Variants in SLC36A1 observed in about 807,000 individuals in gnomAD.
SLC36A1 encodes the protein proton-coupled amino acid transporter 1.
Under a neutral mutation model 47.5 loss-of-function variants are expected in SLC36A1, and 30 were observed. The observed-to-expected ratio is 0.63, with a 90% CI of 0.47 to 0.86. The LOEUF is 0.86. Ranked by LOEUF, SLC36A1 falls within the 40% of genes least tolerant of loss-of-function variation. SLC36A1 has a pLI of 0.00. For missense variants in SLC36A1, 517 were observed against 606.0 expected (o/e 0.85, Z 1.54); for synonymous variants, 255 against 249.7 (o/e 1.02, Z -0.20).
the SLC36A1 span, among the ~76,000 whole-genome samples, chr5:151,523,248 C>T: frequency 1.3e-5 from 2 of 151,988 alleles, no homozygotes; most frequent in African/African-American, 4.8e-5. Flanking sequence ...GTATAGCTAA[C>T]ATTAGTTACA....
the SLC36A1 span, among the ~76,000 whole-genome samples, chr5:151,388,164 C>G: frequency 6.6e-6 from 1 of 152,158 alleles, no homozygotes; most frequent in South Asian, 2.1e-4. Flanking sequence ...CATTTACAAT[C>G]TATTCTCTCT....
Position 151,458,797 on chromosome 5 carries a change from C to G in SLC36A1, c.5C>G (p.Ser2Cys). 3.1e-6 allele frequency: 5 copies of G among 1,613,864 alleles called. No individual in the cohort carries two copies. The highest frequency in any genetic ancestry group is 4.2e-6 in the Non-Finnish European group (5 of 1,179,846). Residue 2 changes from serine (S) to cysteine (C), a missense_variant, in exon 2 of 11, where the codon TCC becomes TGC. Coordinates refer to ENST00000243389, the MANE Select transcript of SLC36A1 (RefSeq NM_078483.4). MSTQRLRNEDYH... is the reference protein window; with the variant it reads MCTQRLRNEDYH... ...GGCCCTGTCCCCCCAGCTGCCATGT[C>G]CACGCAGAGACTTCGGAATGAAGAC...
At chr5:151,349,483 G>A in the SLC36A1 span, among the ~76,000 whole-genome samples, 1 of 152,102 alleles carries the variant, frequency 6.6e-6, no homozygotes, top group East Asian at 1.9e-4. Flanking sequence ...ATGAAGCTGT[G>A]GCAACCCTTG....
the SLC36A1 span, among the ~76,000 whole-genome samples, chr5:151,499,777 C>CGTTTCCCAATTCTCCT: frequency 0.012 from 1,902 of 152,194 alleles, 39 homozygotes; most frequent in African/African-American, 0.043. Flanking sequence ...TGAAGGAAGT[C>CGTTTCCCAATTCTCCT]GTTTCCCAAT....
chr5:151,373,213 T>G, the SLC36A1 span, among the ~76,000 whole-genome samples: 3 of 151,964 alleles, frequency 2.0e-5, no homozygotes, highest in Non-Finnish European at 4.4e-5. Flanking sequence ...CAAGAGGATG[T>G]TTTGAGTTCA....
At chr5:151,448,322 T>TA (rs1753127645) in intron 1 of SLC36A1, among the ~76,000 whole-genome samples, 1 of 152,214 alleles carries the variant, frequency 6.6e-6, no homozygotes, top group South Asian at 2.1e-4. Flanking sequence ...AGCTGTTTGC[T>TA]TTTCGCCACA....
At chr5:151,456,225 T>C (rs1309270934) in intron 1 of SLC36A1, among the ~76,000 whole-genome samples, 4 of 152,166 alleles carry the variant, frequency 2.6e-5, no homozygotes, top group Non-Finnish European at 5.9e-5. Flanking sequence ...CCCAGGCTGG[T>C]CTTGAACTCC....
In SLC36A1 at chr5:151,458,780, C is replaced by T. The variant is rs61733958; in HGVS notation, c.-5-8C>T. ...CAGGAGGTCTTAATGCTGGCCCTGT[C>T]CCCCCAGCTGCCATGTCCACGCAGA... On this transcript the variant is annotated splice_region_variant and splice_polypyrimidine_tract_variant and intron_variant, in intron 1 of 10. Coordinates refer to ENST00000243389, the MANE Select transcript of SLC36A1 (RefSeq NM_078483.4). 7,351 of 1,611,652 alleles carry T rather than the reference C, an allele frequency of 4.6e-3. 31 individuals are homozygous for T. Among genetic ancestry groups the T allele is most frequent in the South Asian group, 5.6e-3 (506 of 90,870 alleles).
At chr5:151,426,563 T>C in the SLC36A1 span, among the ~76,000 whole-genome samples, 2 of 152,280 alleles carry the variant, frequency 1.3e-5, no homozygotes, top group Admixed American at 6.5e-5. Context: ...CCTCCAGCCA[T>C]AAGGCAGTTT....
At chr5:151,535,400 C>T in the SLC36A1 span, among the ~76,000 whole-genome samples, 3 of 152,042 alleles carry the variant, frequency 2.0e-5, no homozygotes, top group Admixed American at 6.6e-5. Context: ...GCCTTATACC[C>T]TGGGGGAAAT....
At chr5:151,517,532 T>G in the SLC36A1 span, 1 of 1,503,434 alleles carries the variant, frequency 6.7e-7, no homozygotes. Context: ...TTGGCAGAAA[T>G]GGGCTTCCTG....
the SLC36A1 span, among the ~76,000 whole-genome samples, chr5:151,419,020 T>C: frequency 3.3e-5 from 5 of 152,172 alleles, no homozygotes; most frequent in Non-Finnish European, 7.3e-5. Context: ...TATAAGGGGC[T>C]ATTTACCCCT....
chr5:151,385,855 G>A, the SLC36A1 span, among the ~76,000 whole-genome samples: 1 of 144,094 alleles, frequency 6.9e-6, no homozygotes, highest in Non-Finnish European at 1.5e-5. Flanking sequence ...TTTAAGAACA[G>A]AGGTTTCCTT....
chr5:151,425,192 C>G, the SLC36A1 span: 1 of 152,232 alleles, frequency 6.6e-6, no homozygotes, highest in Admixed American at 6.5e-5. Context: ...CCATGTCACT[C>G]AGGTGAGGTT....
the SLC36A1 span, among the ~76,000 whole-genome samples, chr5:151,392,657 G>A: frequency 6.6e-6 from 1 of 152,116 alleles, no homozygotes; most frequent in African/African-American, 2.4e-5. Flanking sequence ...ATTTCGTTAT[G>A]TACCCAGTAG....
the SLC36A1 span, among the ~76,000 whole-genome samples, chr5:151,516,854 C>T: frequency 6.6e-6 from 1 of 152,122 alleles, no homozygotes; most frequent in Non-Finnish European, 1.5e-5. Context: ...GCCTGTAATC[C>T]TAGCACTTTG....
intron 7 of SLC36A1, among the ~76,000 whole-genome samples, chr5:151,472,788 A>G (rs2127513576): frequency 6.6e-6 from 1 of 152,358 alleles, no homozygotes; most frequent in Non-Finnish European, 1.5e-5. Context: ...GAGTGAATAT[A>G]TAAATTAAAA....
chr5:151,505,848 G>A, the SLC36A1 span: 1 of 1,611,000 alleles, frequency 6.2e-7, no homozygotes, highest in Non-Finnish European at 8.5e-7. Context: ...GGGACTAGGG[G>A]GCCGAGAGGG....
chr5:151,394,539 A>G, the SLC36A1 span, among the ~76,000 whole-genome samples: 3 of 152,026 alleles, frequency 2.0e-5, no homozygotes, highest in Non-Finnish European at 4.4e-5. Flanking sequence ...GGTTTTATCT[A>G]CCTTTGGTCT....
Sources: gnomAD v4.1 joint callset for allele counts (sites outside exome capture counted in the v4.1 genomes callset) on GRCh38, gnomAD v4.1.1 for gene constraint, MANE v1.5 for transcripts, NCBI Gene and HGNC (gene_info 2026-07-23, HGNC 2026-07-21) for gene names.